DCC: variants seen among roughly 807,000 people sequenced by gnomAD.
DCC encodes the protein netrin receptor DCC.
A neutral mutation model predicts 172.5 loss-of-function variants in DCC; 58 were observed. That is an observed-to-expected ratio of 0.34 (90% CI 0.27 to 0.42). DCC has a LOEUF of 0.42. Ranked by LOEUF, DCC falls within the 10% of genes least tolerant of loss-of-function variation. DCC has a pLI of 1.00. For synonymous variants in DCC, 709 were observed against 644.5 expected (o/e 1.10, Z -1.52); for missense variants, 1,740 against 1,791.0 (o/e 0.97, Z 0.51).
intron 12 of DCC, among the ~76,000 whole-genome samples, chr18:53,248,822 A>G (rs2056396003): frequency 1.3e-5 from 2 of 152,078 alleles, no homozygotes; most frequent in Non-Finnish European, 2.9e-5. Flanking sequence ...AGGATTGACA[A>G]TATTCTTTCT....
intron 9 of DCC, among the ~76,000 whole-genome samples, chr18:53,198,185 G>T (rs2055477667): frequency 6.6e-6 from 1 of 152,116 alleles, no homozygotes; most frequent in South Asian, 2.1e-4. Flanking sequence ...ACCAGAGATA[G>T]CTAATCCATT....
intron 25 of DCC, among the ~76,000 whole-genome samples, chr18:53,472,338 G>A (rs1398943001): frequency 6.6e-6 from 1 of 152,118 alleles, no homozygotes; most frequent in African/African-American, 2.4e-5. Flanking sequence ...AGAGTTCAGT[G>A]TTCTTAATCA....
chr18:53,279,025 C>A (rs1488106494), intron 12 of DCC, among the ~76,000 whole-genome samples: 1 of 152,180 alleles, frequency 6.6e-6, no homozygotes, highest in East Asian at 1.9e-4. Flanking sequence ...TACAGTCCCA[C>A]CAACAGCGTA....
At chr18:53,328,344 C>CA (rs2057491981) in intron 14 of DCC, among the ~76,000 whole-genome samples, 1 of 152,110 alleles carries the variant, frequency 6.6e-6, no homozygotes, top group African/African-American at 2.4e-5. Context: ...TATTCTTGGG[C>CA]AAATAACTTT....
intron 13 of DCC, among the ~76,000 whole-genome samples, chr18:53,309,964 G>GTATATA (rs56355500): frequency 6.1e-4 from 84 of 137,344 alleles, no homozygotes; most frequent in African/African-American, 1.2e-3. Flanking sequence ...ATACGTGTGT[G>GTATATA]TATATATATA....
At chr18:52,396,249 T>C (rs1368896098) in intron 1 of DCC, among the ~76,000 whole-genome samples, 1 of 151,172 alleles carries the variant, frequency 6.6e-6, no homozygotes. Context: ...ACTTCAATAA[T>C]AATAAAATAA....
At position 53,531,421 on chromosome 18, in the gene DCC, T is replaced by A. The variant is rs2046524346; in HGVS notation, c.*768T>A. ...ATAATATGCAATCTTCTCAGACACA[T>A]GGTAATTATATGCTTAAGCTTGTAA... On this transcript the variant is annotated 3_prime_UTR_variant, in exon 29 of 29. Transcript: ENST00000442544. 6.5e-6 allele frequency: 1 copy of A among 154,046 alleles called. No individual in the cohort carries two copies. Among genetic ancestry groups the A allele is most frequent in the Admixed American group, 6.4e-5 (1 of 15,560 alleles). The allele number at this position is 154,046 out of a possible 1,614,324, so 9.5% of individuals were successfully genotyped here.
At chr18:52,385,570 G>C (rs958380422) in intron 1 of DCC, among the ~76,000 whole-genome samples, 16 of 152,016 alleles carry the variant, frequency 1.1e-4, no homozygotes, top group African/African-American at 3.6e-4. Context: ...CATTCCAGGG[G>C]AACAGTTCCA....
chr18:53,050,171 G>C (rs1265348475), intron 5 of DCC, among the ~76,000 whole-genome samples: 2 of 152,094 alleles, frequency 1.3e-5, no homozygotes, highest in African/African-American at 4.8e-5. Flanking sequence ...GCTTTATCTA[G>C]CCACGCTGGC....
intron 2 of DCC, among the ~76,000 whole-genome samples, chr18:52,850,685 C>G (rs886381894): frequency 6.6e-6 from 1 of 152,016 alleles, no homozygotes; most frequent in African/African-American, 2.4e-5. Context: ...ATTACACATT[C>G]ACCCCCCAGT....
At chr18:53,458,565 T>G (rs780536845) in intron 23 of DCC, among the ~76,000 whole-genome samples, 34 of 152,216 alleles carry the variant, frequency 2.2e-4, no homozygotes, top group Non-Finnish European at 3.4e-4. Flanking sequence ...TTTATAGTTG[T>G]TAAAGCCTTA....
At chr18:52,749,367 G>A (rs1260273990) in intron 1 of DCC, among the ~76,000 whole-genome samples, 1 of 152,054 alleles carries the variant, frequency 6.6e-6, no homozygotes, top group Non-Finnish European at 1.5e-5. Context: ...ACCCACCCCT[G>A]TCTGCCTGGG....
At chr18:52,493,527 T>G (rs2030605890) in intron 1 of DCC, among the ~76,000 whole-genome samples, 1 of 152,116 alleles carries the variant, frequency 6.6e-6, no homozygotes, top group Non-Finnish European at 1.5e-5. Context: ...TGGTGAATCA[T>G]TTTCAATCCT....
intron 5 of DCC, among the ~76,000 whole-genome samples, chr18:53,053,818 A>G (rs2042366602): frequency 6.6e-6 from 1 of 152,186 alleles, no homozygotes; most frequent in Non-Finnish European, 1.5e-5. Context: ...TAACACTTAA[A>G]TCTTGTTTTC....
Position 52,378,840 on chromosome 18 carries a change from G to A in DCC, c.91+37962G>A, listed in dbSNP as rs1985464005. Among the ~76,000 whole-genome samples the A allele has an allele frequency of 3.3e-5, 5 of 152,140 alleles. No individual in the cohort carries two copies. The South Asian group carries it at 1.0e-3, about 32-fold the overall frequency. On this transcript the variant is annotated intron_variant, in intron 1 of 28. Coordinates refer to ENST00000442544, the MANE Select transcript of DCC (RefSeq NM_005215.4). The stretch of plus-strand genomic sequence containing the variant: ...TAGGATTACAGGTGTGAGCCACTGA[G>A]CCTGGCTTAAATATATATACTATTT...
At chr18:53,367,598 A>G (rs187845856) in intron 15 of DCC, among the ~76,000 whole-genome samples, 1 of 152,268 alleles carries the variant, frequency 6.6e-6, no homozygotes, top group East Asian at 1.9e-4. Flanking sequence ...AATGTTGCGC[A>G]GCCATCGAAC....
intron 5 of DCC, among the ~76,000 whole-genome samples, chr18:53,053,608 C>A (rs1408842877): frequency 1.3e-5 from 2 of 152,106 alleles, no homozygotes; most frequent in Admixed American, 6.6e-5. Flanking sequence ...AGAAATAGTT[C>A]TCATGCATGA....
chr18:53,353,386 T>G (rs962370691), intron 15 of DCC, among the ~76,000 whole-genome samples: 1 of 148,430 alleles, frequency 6.7e-6, no homozygotes, highest in Admixed American at 6.9e-5. Context: ...CTAAAGCTAT[T>G]TCATTAAAAC....
chr18:53,406,230 C>G (rs1192302806), intron 19 of DCC, among the ~76,000 whole-genome samples: 1 of 152,096 alleles, frequency 6.6e-6, no homozygotes, highest in Non-Finnish European at 1.5e-5. Context: ...TAATTTGTCT[C>G]CCTTTTGTAA....
Sources: gnomAD v4.1 joint callset for allele counts (sites outside exome capture counted in the v4.1 genomes callset) on GRCh38, gnomAD v4.1.1 for gene constraint, MANE v1.5 for transcripts, NCBI Gene and HGNC (gene_info 2026-07-23, HGNC 2026-07-21) for gene names.